The following MYO7B variants were observed in gnomAD, a reference collection of about 807,000 sequenced individuals.
MYO7B encodes the protein unconventional myosin-VIIb.
Under a neutral mutation model 259.7 loss-of-function variants are expected in MYO7B, and 212 were observed. The ratio of observed to expected loss-of-function variants is 0.82; its 90% CI spans 0.73 to 0.91. The LOEUF is 0.91. Among genes scored for constraint, MYO7B ranks in the 40% least tolerant of loss-of-function variants. MYO7B has a pLI of 0.00. For synonymous variants in MYO7B, 1,197 were observed against 1,166.4 expected, an observed-to-expected ratio of 1.03 and a Z score of -0.54; for missense variants, 2,732 against 2,813.5, an observed-to-expected ratio of 0.97 and a Z score of 0.66.
In MYO7B at chr2:127,636,454, G is replaced by C. The variant is rs555695907; in HGVS notation, c.6124-91G>C. Reference sequence around the variant, plus strand: ...GTGAGGCTGGAGGGCGTGGGTGTATGTGTGTATGTGCGTGTGGCCTAGATG... The same window carrying C: ...GTGAGGCTGGAGGGCGTGGGTGTATCTGTGTATGTGCGTGTGGCCTAGATG... On this transcript the variant is annotated intron_variant, in intron 45 of 47. Coordinates refer to ENST00000409816, the MANE Select transcript of MYO7B (RefSeq NM_001393586.1). This position sits in a 1 kb window ranked among gnomAD's most constrained non-coding sequence, Gnocchi z 4.5. 4.1e-5 allele frequency: 59 copies of C among 1,429,482 alleles called. No homozygotes were observed. In the South Asian group the frequency reaches 6.2e-4, roughly 15 times the overall value. 88.5% of individuals were successfully genotyped at this position (1,429,482 alleles called of 1,614,324 possible).
In MYO7B at chr2:127,588,499, A is replaced by G. The variant is rs1409824268; in HGVS notation, c.1798A>G (p.Thr600Ala). 6.2e-7 allele frequency: 1 copy of G among 1,613,168 alleles called. No individual in the cohort carries two copies. Among genetic ancestry groups the G allele is most frequent in the Non-Finnish European group, 8.5e-7 (1 of 1,179,870 alleles). ...REIFNLELAETKLGHGTIRQA... is the reference protein window; with the variant it reads ...REIFNLELAEAKLGHGTIRQA... ...GATATTCAACTTGGAGTTAGCAGAG[A>G]CCAAGCTGGGCCATGGGACCATCCG... The change falls in exon 15 of 48, where the codon ACC (threonine) becomes GCC (alanine). Residue 600 changes from threonine (T) to alanine (A), a missense_variant. Thr to Ala is a moderately conservative substitution (Grantham distance 58, BLOSUM62 0). Coordinates refer to ENST00000409816, the MANE Select transcript of MYO7B (RefSeq NM_001393586.1).
rs1432052092 is a variant in MYO7B at position 127,590,313 on chromosome 2, A to T, written c.1992+84A>T. On this transcript the variant is annotated intron_variant, in intron 16 of 47. Transcript: ENST00000409816. The surrounding 1 kb of genome is among the most constrained non-coding windows in gnomAD (Gnocchi z 4.6). ...TAGGGTTGTGGTCACTCCCTCTGCC[A>T]GGGCCTGGCTAGCGTTAGAGCTGTT... is the stretch of plus-strand genomic sequence containing the variant. The T allele has an allele frequency of 4.4e-6, 7 of 1,585,288 alleles. No individual in the cohort carries two copies. The highest frequency in any genetic ancestry group is 1.7e-5 in the Admixed American group (1 of 58,454).
At chr2:127,596,587 C>T in intron 19 of MYO7B, 31 bp downstream of exon 19, 1 of 1,553,126 alleles carries the variant, frequency 6.4e-7, no homozygotes, top group Middle Eastern at 1.9e-4. Context: ...CCCACCCAGC[C>T]TACTCCTGCC....
intron 9 of MYO7B, 140 bp downstream of exon 9, chr2:127,578,426 G>C: frequency 8.4e-7 from 1 of 1,185,184 alleles, no homozygotes; most frequent in Non-Finnish European, 1.2e-6. Context: ...AAAAAATTCA[G>C]CTGTGATTTT....
At chr2:127,616,333 G>T (rs557315535) in intron 26 of MYO7B, among the ~76,000 whole-genome samples, 4 of 152,146 alleles carry the variant, frequency 2.6e-5, no homozygotes, top group Non-Finnish European at 5.9e-5. Context: ...AGATGCTATG[G>T]GTTGTGATAG....
intron 26 of MYO7B, among the ~76,000 whole-genome samples, chr2:127,617,345 A>G (rs989864270): frequency 3.3e-5 from 5 of 152,114 alleles, no homozygotes; most frequent in Non-Finnish European, 1.5e-5. Flanking sequence ...TATGTACCAA[A>G]CTCCAAACAA....
intron 1 of MYO7B, among the ~76,000 whole-genome samples, chr2:127,553,824 T>C (rs1693540667): frequency 6.6e-6 from 1 of 152,170 alleles, no homozygotes. Flanking sequence ...GTGGGAATCC[T>C]TGTCTTGTTT....
At chr2:127,579,703 A>T (rs1447635463) in intron 9 of MYO7B, among the ~76,000 whole-genome samples, 1 of 152,152 alleles carries the variant, frequency 6.6e-6, no homozygotes, top group Non-Finnish European at 1.5e-5. Context: ...CTCCCACCTC[A>T]GCCTCCTGAG....
intron 18 of MYO7B, 84 bp from the exon 19 acceptor site, chr2:127,596,378 C>T: frequency 8.8e-7 from 1 of 1,131,248 alleles, no homozygotes; most frequent in African/African-American, 1.5e-5. Context: ...AGAGATGCTA[C>T]CTTCGGGAGA....
intron 2 of MYO7B, among the ~76,000 whole-genome samples, chr2:127,561,311 C>CT (rs1186798117): frequency 1.3e-5 from 2 of 151,794 alleles, no homozygotes; most frequent in Non-Finnish European, 2.9e-5. Context: ...GTCACCCAGG[C>CT]TGGAGTGCGC....
rs1256364878 is a variant in MYO7B, at chr2:127,627,145, G to A, written c.4334-39G>A. On this transcript the variant is annotated intron_variant, in intron 32 of 47. Coordinates refer to ENST00000409816, the MANE Select transcript of MYO7B (RefSeq NM_001393586.1). The surrounding 1 kb of genome is among the most constrained non-coding windows in gnomAD (Gnocchi z 5.6). Reference sequence around the variant, plus strand: ...GCAGGTATGGGCTGGGCACCCAGGGGTCCCATGCAGCCTTCACACTGCCGT... The same window carrying A: ...GCAGGTATGGGCTGGGCACCCAGGGATCCCATGCAGCCTTCACACTGCCGT... The A allele has an allele frequency of 6.2e-7, 1 of 1,603,730 alleles. No individual in the cohort carries two copies. Among genetic ancestry groups the A allele is most frequent in the South Asian group, 1.1e-5 (1 of 89,644 alleles).
chr2:127,538,485 T>C (rs116794598), intron 1 of MYO7B, among the ~76,000 whole-genome samples: 143 of 152,264 alleles, frequency 9.4e-4, no homozygotes, highest in African/African-American at 2.9e-3. Flanking sequence ...CTAGAGGGTC[T>C]TGCTCATCAG....
Position 127,628,171 on chromosome 2 carries a change from A to T in MYO7B, c.4461-201A>T. On this transcript the variant is annotated intron_variant, in intron 33 of 47. Transcript: ENST00000409816. This position sits in a 1 kb window ranked among gnomAD's most constrained non-coding sequence, Gnocchi z 4.8. ...CCCACACATGGGCTGCACCACTCTCAGCCTCCGAGAGGTCCTGTGCTCCGC... is the reference window on the plus strand; with the variant it reads ...CCCACACATGGGCTGCACCACTCTCTGCCTCCGAGAGGTCCTGTGCTCCGC... 1 of 714,202 alleles carries T rather than the reference A, an allele frequency of 1.4e-6. No homozygotes were observed. Among genetic ancestry groups the T allele is most frequent in the African/African-American group, 1.7e-5 (1 of 57,474 alleles). The allele number at this position is 714,202 out of a possible 1,614,324, so 44.2% of individuals were successfully genotyped here.
At chr2:127,574,666 A>C (rs751750959) in intron 7 of MYO7B, among the ~76,000 whole-genome samples, 1 of 152,206 alleles carries the variant, frequency 6.6e-6, no homozygotes, top group Non-Finnish European at 1.5e-5. Context: ...CCGTATCTTC[A>C]GGTATGTTAG....
rs1681782286 is a variant in MYO7B at position 127,636,014 on chromosome 2, G to A, written c.6006+107G>A. 1 of 1,383,348 alleles carries A rather than the reference G, an allele frequency of 7.2e-7. No homozygotes were observed. Among genetic ancestry groups the A allele is most frequent in the Non-Finnish European group, 9.8e-7 (1 of 1,020,486 alleles). 85.7% of individuals were successfully genotyped at this position (1,383,348 alleles called of 1,614,324 possible). A position where few individuals can be genotyped will look rare whatever the true frequency, so the allele number is the denominator to read the frequency against. On this transcript the variant is annotated intron_variant, in intron 44 of 47. Coordinates refer to ENST00000409816, the MANE Select transcript of MYO7B (RefSeq NM_001393586.1). This position sits in a 1 kb window ranked among gnomAD's most constrained non-coding sequence, Gnocchi z 4.5. ...TCCAAGATCACATGGGTGCACATGG[G>A]TGGTGTGGAGGGTGGGCTGGCTCTG...
At chr2:127,592,452 G>T (rs1200725282) in intron 16 of MYO7B, among the ~76,000 whole-genome samples, 1 of 152,124 alleles carries the variant, frequency 6.6e-6, no homozygotes, top group Non-Finnish European at 1.5e-5. Context: ...TTTAAACTGG[G>T]CATGTGCAGA....
At position 127,623,327 on chromosome 2, in the gene MYO7B, C is replaced by A; in HGVS notation, c.3771C>A (p.Gly1257=). 6.2e-7 allele frequency: 1 copy of A among 1,610,852 alleles called. No individual in the cohort carries two copies. The highest frequency in any genetic ancestry group is 2.2e-5 in the East Asian group (1 of 44,828). The part of the protein sequence containing the change: ...EMCMHIAHKQ[G]LSDHLGFSLQ... Reference sequence around the variant, plus strand: ...GCATGCACATCGCTCACAAGCAGGGCCTCAGCGACCACCTGGGCTTCTCCC... The same window carrying A: ...GCATGCACATCGCTCACAAGCAGGGACTCAGCGACCACCTGGGCTTCTCCC... The change falls in exon 29 of 48, where the codon GGC becomes GGA. Residue 1257 remains glycine (G), a synonymous_variant. Transcript: ENST00000409816.
chr2:127,633,901 G>T (rs917287652), intron 40 of MYO7B, among the ~76,000 whole-genome samples: 1 of 152,156 alleles, frequency 6.6e-6, no homozygotes, highest in South Asian at 2.1e-4. Context: ...CTTGATATTC[G>T]GGTCCCGGTA....
intron 47 of MYO7B, 166 bp downstream of exon 47, chr2:127,637,079 C>A: frequency 7.8e-7 from 1 of 1,286,480 alleles, no homozygotes; most frequent in Non-Finnish European, 1.1e-6. Flanking sequence ...CCAGGACCAG[C>A]AGCCAAGGTG....
Sources: gnomAD v4.1 joint callset for allele counts (sites outside exome capture counted in the v4.1 genomes callset) on GRCh38, gnomAD v4.1.1 for gene constraint, Gnocchi (gnomAD v3.1) non-coding constraint, MANE v1.5 for transcripts, NCBI Gene and HGNC (gene_info 2026-07-23, HGNC 2026-07-21) for gene names.